The following CALN1 variants were observed in gnomAD, a reference collection of about 807,000 sequenced individuals.
The protein encoded by CALN1 is calcium-binding protein 8.
In CALN1, 17 loss-of-function variants were observed where a neutral mutation model predicts 30.6. That is an observed-to-expected ratio of 0.56 (90% CI 0.38 to 0.83). CALN1 has a LOEUF of 0.83. Among genes scored for constraint, CALN1 ranks in the 40% least tolerant of loss-of-function variants. CALN1 has a pLI of 0.00. For synonymous variants in CALN1, 156 were observed against 131.4 expected (o/e 1.19, Z -1.28); for missense variants, 291 against 354.9 (o/e 0.82, Z 1.45).
At chr7:72,054,417 ACGTG>A (rs761458537) in intron 4 of CALN1, among the ~76,000 whole-genome samples, 743 of 49,274 alleles carry the variant, frequency 0.015, 21 homozygotes, top group Middle Eastern at 0.049. Flanking sequence ...ATATATATAT[ACGTG>A]TATATATACA....
At chr7:72,285,500 C>A (rs1489915564) in intron 2 of CALN1, among the ~76,000 whole-genome samples, 1 of 152,172 alleles carries the variant, frequency 6.6e-6, no homozygotes, top group Non-Finnish European at 1.5e-5. Flanking sequence ...GCCTCGGCCT[C>A]CCAAAGTGCT....
At chr7:72,389,471 C>A (rs1292711494) in intron 2 of CALN1, among the ~76,000 whole-genome samples, 1 of 152,124 alleles carries the variant, frequency 6.6e-6, no homozygotes, top group Non-Finnish European at 1.5e-5. Flanking sequence ...GAAAAGAATT[C>A]AAAAATCTGA....
chr7:72,478,003 A>G, the CALN1 span, among the ~76,000 whole-genome samples: 3 of 152,278 alleles, frequency 2.0e-5, no homozygotes, highest in Middle Eastern at 0.01. Context: ...GACAGGAACC[A>G]TGTGGTATTC....
At chr7:72,354,918 A>C (rs199960810) in intron 2 of CALN1, among the ~76,000 whole-genome samples, 5 of 124,706 alleles carry the variant, frequency 4.0e-5, no homozygotes, top group African/African-American at 1.7e-4. Flanking sequence ...TTTTTTTTTT[A>C]ATTTCCCTTG....
At chr7:71,841,289 G>A (rs931771155) in intron 5 of CALN1, among the ~76,000 whole-genome samples, 1 of 152,112 alleles carries the variant, frequency 6.6e-6, no homozygotes, top group African/African-American at 2.4e-5. Flanking sequence ...CCTCTCTCTG[G>A]GACTGTAAGA....
chr7:72,145,350 C>T (rs1264396366), intron 3 of CALN1, among the ~76,000 whole-genome samples: 2 of 152,202 alleles, frequency 1.3e-5, no homozygotes, highest in African/African-American at 2.4e-5. Context: ...CACCTCTACA[C>T]AAATAAACTA....
intron 5 of CALN1, among the ~76,000 whole-genome samples, chr7:71,871,742 C>T (rs1466373729): frequency 6.6e-6 from 1 of 152,122 alleles, no homozygotes; most frequent in Non-Finnish European, 1.5e-5. Flanking sequence ...AATCACTCTC[C>T]TCTGGTTTCC....
chr7:72,015,123 G>T (rs1210640272), intron 5 of CALN1, among the ~76,000 whole-genome samples: 1 of 152,116 alleles, frequency 6.6e-6, no homozygotes, highest in Non-Finnish European at 1.5e-5. Flanking sequence ...AAATTATAGT[G>T]TTAAATAGAC....
chr7:72,144,337 T>C (rs1017158454), intron 3 of CALN1, among the ~76,000 whole-genome samples: 2 of 152,018 alleles, frequency 1.3e-5, no homozygotes, highest in Non-Finnish European at 2.9e-5. Flanking sequence ...TAGTCTCTGA[T>C]AAAAGACTTT....
intron 4 of CALN1, among the ~76,000 whole-genome samples, chr7:72,102,042 T>G (rs1294429706): frequency 1.3e-5 from 2 of 152,194 alleles, no homozygotes; most frequent in African/African-American, 4.8e-5. Flanking sequence ...CTTATTTTAT[T>G]TTTAAGATGG....
chr7:72,290,199 T>C lies in CALN1; in HGVS notation c.120-11389A>G, dbSNP rs1798385164. ...GGGCTCTCACAAGCCAGTATGAGCT[T>C]ATGAGCTAGCTCCAGCATGTCACTG... On this transcript the variant is annotated intron_variant, in intron 2 of 6. Transcript: ENST00000395275. 2.0e-5 allele frequency among the ~76,000 whole-genome samples: 3 copies of C among 150,154 alleles called. No individual in the cohort carries two copies. In the South Asian group the frequency reaches 6.3e-4, roughly 32 times the overall value.
At chr7:72,500,298 T>TTTTTTTG in the CALN1 span, among the ~76,000 whole-genome samples, 3 of 122,556 alleles carry the variant, frequency 2.4e-5, no homozygotes, top group Non-Finnish European at 5.1e-5. Flanking sequence ...TTTTTTTTTT[T>TTTTTTTG]TTGAGACAGT....
At chr7:72,228,782 G>C (rs577280022) in intron 3 of CALN1, among the ~76,000 whole-genome samples, 6 of 148,644 alleles carry the variant, frequency 4.0e-5, no homozygotes, top group African/African-American at 1.5e-4. Flanking sequence ...TATTTATTGA[G>C]ACAAGGTCTT....
rs1422270897 is a variant in CALN1, at chr7:71,857,600, C to G, written c.502-47108G>C. 2.6e-5 allele frequency among the ~76,000 whole-genome samples: 4 copies of G among 152,176 alleles called. No homozygotes were observed. The East Asian group carries it at 5.8e-4, about 22-fold the overall frequency. ...ACCGACTCCTCTTCCCTCTCCTCCC[C>G]CTGTTCTCTTGGTGGAGTTGCCCCC... is the stretch of plus-strand genomic sequence containing the variant. On this transcript the variant is annotated intron_variant, in intron 5 of 6. Coordinates refer to ENST00000395275, the MANE Select transcript of CALN1 (RefSeq NM_031468.4).
chr7:72,006,848 G>A (rs905648918), intron 5 of CALN1, among the ~76,000 whole-genome samples: 5 of 152,200 alleles, frequency 3.3e-5, no homozygotes, highest in South Asian at 2.1e-4. Context: ...CGAGTCATCC[G>A]CATGCCTCCC....
chr7:72,320,857 A>T (rs1031076438), intron 2 of CALN1, among the ~76,000 whole-genome samples: 1 of 134,138 alleles, frequency 7.5e-6, no homozygotes, highest in East Asian at 2.1e-4. Flanking sequence ...AAAAAAAAAA[A>T]GAATCACAGA....
intron 5 of CALN1, among the ~76,000 whole-genome samples, chr7:71,835,217 C>T (rs891267661): frequency 6.6e-6 from 1 of 152,174 alleles, no homozygotes; most frequent in African/African-American, 2.4e-5. Flanking sequence ...TAACTGATCA[C>T]AAAGGTAACA....
intron 5 of CALN1, among the ~76,000 whole-genome samples, chr7:71,827,775 A>AAAATAAATAAATAAATAAATAAAT (rs10646245): frequency 7.1e-6 from 1 of 140,282 alleles, no homozygotes; most frequent in African/African-American, 2.7e-5. Context: ...CCATCTTAAA[A>AAAATAAATAAATAAATAAATAAAT]AAATAAATAA....
At chr7:71,915,308 C>T (rs73364126) in intron 5 of CALN1, among the ~76,000 whole-genome samples, 3,889 of 152,274 alleles carry the variant, frequency 0.026, 146 homozygotes, top group African/African-American at 0.087. Flanking sequence ...GACTTTCTTT[C>T]GAAAAGAGGT....
Sources: allele counts gnomAD v4.1 joint callset (sites outside exome capture counted in the v4.1 genomes callset), GRCh38; gene constraint gnomAD v4.1.1; transcripts MANE v1.5; gene names NCBI Gene and HGNC (gene_info 2026-07-23, HGNC 2026-07-21).